MYO16: variants seen among roughly 807,000 people sequenced by gnomAD.
The protein encoded by MYO16 is unconventional myosin-XVI.
A neutral mutation model predicts 205.3 loss-of-function variants in MYO16; 94 were observed. That is an observed-to-expected ratio of 0.46 (90% CI 0.39 to 0.54). MYO16 has a LOEUF of 0.54. Ranked by LOEUF, MYO16 falls within the 20% of genes least tolerant of loss-of-function variation. MYO16 has a pLI of 0.00. For synonymous variants in MYO16, 988 were observed against 954.0 expected, an observed-to-expected ratio of 1.04 and a Z score of -0.66; for missense variants, 2,315 against 2,387.5, an observed-to-expected ratio of 0.97 and a Z score of 0.63.
At chr13:108,716,914 T>C (rs1489836427) in intron 3 of MYO16, among the ~76,000 whole-genome samples, 1 of 152,204 alleles carries the variant, frequency 6.6e-6, no homozygotes, top group Non-Finnish European at 1.5e-5. Context: ...GAATTAATCT[T>C]TTTACCCCAC....
At chr13:109,185,861 T>G (rs1156826396) in intron 34 of MYO16, among the ~76,000 whole-genome samples, 1 of 152,220 alleles carries the variant, frequency 6.6e-6, no homozygotes, top group Non-Finnish European at 1.5e-5. Flanking sequence ...TAATAACCAA[T>G]GCTATTCATG....
At chr13:108,664,660 C>G (rs1036739658) in intron 1 of MYO16, among the ~76,000 whole-genome samples, 1 of 152,142 alleles carries the variant, frequency 6.6e-6, no homozygotes, top group Admixed American at 6.6e-5. Context: ...TCCTTGAGAC[C>G]TGATATCATA....
rs377572020 is a variant in MYO16, at chr13:109,163,361, C to G, written c.5165-1540C>G. Among the ~76,000 whole-genome samples, 34 of 152,142 alleles carry G rather than the reference C, an allele frequency of 2.2e-4. 1 individual carries two copies. The East Asian group carries it at 3.3e-3, about 15-fold the overall frequency. ...TGTAGTGCTATTTGAGGGTATGTCTCGAGAGGCAAGAGGAGATAATGTCAA... is the reference window on the plus strand; with the variant it reads ...TGTAGTGCTATTTGAGGGTATGTCTGGAGAGGCAAGAGGAGATAATGTCAA... On this transcript the variant is annotated intron_variant, in intron 32 of 34. Coordinates refer to ENST00000457511, the MANE Select transcript of MYO16 (RefSeq NM_001198950.3).
At chr13:108,759,216 G>C (rs1270035084) in intron 4 of MYO16, among the ~76,000 whole-genome samples, 1 of 152,024 alleles carries the variant, frequency 6.6e-6, no homozygotes, top group Non-Finnish European at 1.5e-5. Flanking sequence ...TTTAAGAACT[G>C]TATAACTAGA....
intron 32 of MYO16, among the ~76,000 whole-genome samples, chr13:109,158,636 T>C (rs1452699063): frequency 1.3e-5 from 2 of 152,210 alleles, no homozygotes; most frequent in South Asian, 2.1e-4. Context: ...GATTTCATCA[T>C]GTAGATTATG....
intron 6 of MYO16, among the ~76,000 whole-genome samples, chr13:108,798,751 TGC>T (rs1886876730): frequency 8.2e-6 from 1 of 122,634 alleles, no homozygotes; most frequent in African/African-American, 3.1e-5. Flanking sequence ...CAGGCCGGAC[TGC>T]GGACTGCAGT....
the MYO16 span, among the ~76,000 whole-genome samples, chr13:108,553,677 A>C: frequency 6.6e-6 from 1 of 152,214 alleles, no homozygotes; most frequent in Admixed American, 6.5e-5. Flanking sequence ...TGATGTTGAC[A>C]ACAAATAGTA....
intron 11 of MYO16, among the ~76,000 whole-genome samples, chr13:108,860,825 C>G (rs1262766577): frequency 2.0e-5 from 3 of 152,002 alleles, no homozygotes; most frequent in East Asian, 3.9e-4. Flanking sequence ...AATGTAAAAC[C>G]CAAAACTATA....
At chr13:109,003,993 G>A (rs963153789) in intron 21 of MYO16, among the ~76,000 whole-genome samples, 1 of 152,160 alleles carries the variant, frequency 6.6e-6, no homozygotes. Context: ...TATAATGTGG[G>A]TATGTCTTGT....
Position 109,164,973 on chromosome 13 carries a change from A to G in MYO16, c.5237A>G (p.Asp1746Gly). Residue 1746 changes from aspartate to glycine, a missense_variant, in exon 33 of 35, where the codon GAC becomes GGC. Physicochemically the swap from Asp to Gly is moderately conservative, Grantham distance 94. Around this residue, in one of 3 missense-constraint regions of MYO16, gnomAD observed 1,097 missense variants for 1,092.0 expected, o/e 1.00. Transcript: ENST00000457511. ...STSEITSETQDRNANNHGIQL... is the reference protein window; with the variant it reads ...STSEITSETQGRNANNHGIQL... ...TCAGAAATTACTTCCGAGACTCAAG[A>G]CAGAAATGCAAATAACCATGGAATT... 6.2e-7 allele frequency: 1 copy of G among 1,608,330 alleles called. No homozygotes were observed. Among genetic ancestry groups the G allele is most frequent in the South Asian group, 1.1e-5 (1 of 90,600 alleles).
intron 16 of MYO16, among the ~76,000 whole-genome samples, chr13:108,933,176 G>A (rs1409479868): frequency 1.3e-5 from 2 of 152,148 alleles, no homozygotes; most frequent in Non-Finnish European, 2.9e-5. Flanking sequence ...ACTGTGTGTG[G>A]CAAGATGCAT....
intron 1 of MYO16, among the ~76,000 whole-genome samples, chr13:108,644,559 A>G (rs1481254010): frequency 6.6e-6 from 1 of 152,200 alleles, no homozygotes; most frequent in African/African-American, 2.4e-5. Context: ...GTCTGTTTAC[A>G]TTTCAAACTG....
At chr13:108,778,533 C>T (rs943776295) in intron 4 of MYO16, among the ~76,000 whole-genome samples, 7 of 152,172 alleles carry the variant, frequency 4.6e-5, no homozygotes, top group South Asian at 2.1e-4. Flanking sequence ...GCAGGAGAAT[C>T]GCTTGAACCC....
At chr13:108,673,599 C>T (rs1024251191) in intron 2 of MYO16, among the ~76,000 whole-genome samples, 1 of 152,050 alleles carries the variant, frequency 6.6e-6, no homozygotes, top group Admixed American at 6.6e-5. Flanking sequence ...TCTCCTACTC[C>T]TCAGATCCTT....
At chr13:108,531,250 G>A in the MYO16 span, among the ~76,000 whole-genome samples, 1 of 152,206 alleles carries the variant, frequency 6.6e-6, no homozygotes, top group East Asian at 1.9e-4. Flanking sequence ...TGTTCTTAGA[G>A]AAATGTGTAG....
chr13:108,869,592 G>A (rs1268479273), intron 12 of MYO16, among the ~76,000 whole-genome samples: 2 of 150,226 alleles, frequency 1.3e-5, no homozygotes, highest in Non-Finnish European at 3.0e-5. Flanking sequence ...TTAGCCGGGC[G>A]TCGTGGCGGG....
intron 21 of MYO16, among the ~76,000 whole-genome samples, chr13:109,005,956 T>TAGCC (rs1307712700): frequency 6.6e-6 from 1 of 152,172 alleles, no homozygotes; most frequent in Admixed American, 6.5e-5. Context: ...AAGTCATTAC[T>TAGCC]AGCCACACCC....
the MYO16 span, among the ~76,000 whole-genome samples, chr13:108,497,662 A>C: frequency 5.3e-5 from 8 of 152,346 alleles, no homozygotes; most frequent in Non-Finnish European, 1.2e-4. Flanking sequence ...TTAATAAAGT[A>C]AAATGATTTG....
chr13:108,829,355 T>C (rs1876472624), intron 9 of MYO16, among the ~76,000 whole-genome samples: 1 of 152,240 alleles, frequency 6.6e-6, no homozygotes, highest in African/African-American at 2.4e-5. Flanking sequence ...CACTTATCTT[T>C]GAACTGGCAG....
Sources: gnomAD v4.1 joint callset for allele counts (sites outside exome capture counted in the v4.1 genomes callset) on GRCh38, gnomAD v4.1.1 for gene constraint, gnomAD v4.1.1 regional missense constraint, MANE v1.5 for transcripts, NCBI Gene and HGNC (gene_info 2026-07-23, HGNC 2026-07-21) for gene names.